Variants in GALNT13 observed in about 807,000 individuals in gnomAD.
GALNT13 encodes polypeptide N-acetylgalactosaminyltransferase 13.
GALNT13 carries 28 observed loss-of-function variants against 64.2 expected under a neutral mutation model. That is an observed-to-expected ratio of 0.44 (90% CI 0.32 to 0.60). GALNT13 has a LOEUF of 0.60. Among genes scored for constraint, GALNT13 ranks in the 20% least tolerant of loss-of-function variants. The probability of loss-of-function intolerance (pLI) is 0.05; values close to 1 mark genes in which losing one functional copy is unlikely to be tolerated. For synonymous variants in GALNT13, 214 were observed against 224.6 expected (o/e 0.95, Z 0.42); for missense variants, 577 against 669.8 (o/e 0.86, Z 1.53).
intron 11 of GALNT13, among the ~76,000 whole-genome samples, chr2:154,423,566 G>A (rs187523463): frequency 5.3e-5 from 8 of 152,110 alleles, no homozygotes; most frequent in Admixed American, 1.3e-4. Context: ...CATCCTCTTC[G>A]AGCTGGACTT....
chr2:153,674,794 C>G, the GALNT13 span, among the ~76,000 whole-genome samples: 1 of 152,108 alleles, frequency 6.6e-6, no homozygotes, highest in African/African-American at 2.4e-5. Flanking sequence ...ATTTTACAAT[C>G]TATCCATCTG....
intron 3 of GALNT13, among the ~76,000 whole-genome samples, chr2:154,097,704 A>T (rs958718398): frequency 6.6e-6 from 1 of 151,982 alleles, no homozygotes; most frequent in Non-Finnish European, 1.5e-5. Flanking sequence ...AAAAAAATAC[A>T]TATTAGGAAT....
At chr2:153,662,581 A>T in the GALNT13 span, among the ~76,000 whole-genome samples, 5 of 152,136 alleles carry the variant, frequency 3.3e-5, no homozygotes, top group Admixed American at 3.3e-4. Flanking sequence ...TATCACACAG[A>T]TTTTCTAAGC....
At chr2:154,445,823 G>A (rs1471635604) in intron 12 of GALNT13, 1 of 1,288,320 alleles carries the variant, frequency 7.8e-7, no homozygotes, top group Non-Finnish European at 1.0e-6. Flanking sequence ...GTCTCCCAAG[G>A]GCAGGCACGG....
intron 3 of GALNT13, among the ~76,000 whole-genome samples, chr2:153,982,934 A>T (rs985675527): frequency 1.3e-5 from 2 of 151,904 alleles, no homozygotes; most frequent in East Asian, 3.9e-4. Flanking sequence ...AGGTGCTGAG[A>T]ATTTTTGTTA....
intron 3 of GALNT13, among the ~76,000 whole-genome samples, chr2:153,981,246 G>A (rs59043749): frequency 2.6e-5 from 4 of 151,616 alleles, no homozygotes; most frequent in South Asian, 2.1e-4. Context: ...AAGTTCTAGG[G>A]TATATATATA....
intron 4 of GALNT13, among the ~76,000 whole-genome samples, chr2:154,211,978 G>A (rs1687798671): frequency 6.6e-6 from 1 of 151,978 alleles, no homozygotes; most frequent in South Asian, 2.1e-4. Context: ...AGAAAGGAGT[G>A]GTAATCTGTG....
intron 4 of GALNT13, among the ~76,000 whole-genome samples, chr2:154,204,375 A>G (rs1211637332): frequency 1.3e-5 from 2 of 152,218 alleles, no homozygotes; most frequent in African/African-American, 2.4e-5. Context: ...GAAGTCCCTT[A>G]TATACTGTAG....
Position 154,239,470 on chromosome 2 carries a change from A to G in GALNT13, c.312-2560A>G, listed in dbSNP as rs529827848. On this transcript the variant is annotated intron_variant, in intron 4 of 12. Coordinates refer to ENST00000392825, the MANE Select transcript of GALNT13 (RefSeq NM_052917.4). ...CTCTTGGCTTTGCATGCTCAAAGTG[A>G]TTAGGTTTTTTTAATGAGGCAGGAG... Among the ~76,000 whole-genome samples the G allele has an allele frequency of 2.0e-5, 3 of 152,040 alleles. No individual in the cohort carries two copies. In the South Asian group the frequency reaches 6.2e-4, roughly 32 times the overall value.
At chr2:154,270,959 G>A (rs1222457062) in intron 8 of GALNT13, among the ~76,000 whole-genome samples, 3 of 151,876 alleles carry the variant, frequency 2.0e-5, no homozygotes, top group African/African-American at 7.2e-5. Context: ...TCTAAATTCA[G>A]TCAAGCTTAA....
chr2:154,314,698 C>A (rs1347558701), intron 9 of GALNT13, among the ~76,000 whole-genome samples: 2 of 152,094 alleles, frequency 1.3e-5, no homozygotes, highest in African/African-American at 4.8e-5. Context: ...CTTTTAACAA[C>A]TAGCTCTCAG....
the GALNT13 span, among the ~76,000 whole-genome samples, chr2:153,721,747 G>C: frequency 1.3e-5 from 2 of 151,894 alleles, no homozygotes; most frequent in African/African-American, 4.9e-5. Flanking sequence ...AATTCAACAA[G>C]AGGAGCTAAC....
At chr2:154,227,361 G>C (rs914210392) in intron 4 of GALNT13, among the ~76,000 whole-genome samples, 1 of 150,944 alleles carries the variant, frequency 6.6e-6, no homozygotes, top group Non-Finnish European at 1.5e-5. Context: ...TTAAGTTTTA[G>C]GGTACATGTG....
the GALNT13 span, among the ~76,000 whole-genome samples, chr2:153,372,517 A>G: frequency 1.3e-5 from 2 of 152,086 alleles, no homozygotes; most frequent in Non-Finnish European, 2.9e-5. Context: ...ATGGTGGTAC[A>G]CACCTGTAGT....
At chr2:154,142,156 A>C (rs1019247520) in intron 4 of GALNT13, among the ~76,000 whole-genome samples, 3 of 152,148 alleles carry the variant, frequency 2.0e-5, no homozygotes, top group Admixed American at 1.3e-4. Context: ...ATGCAAATAA[A>C]ATTTGCCACC....
the GALNT13 span, among the ~76,000 whole-genome samples, chr2:153,356,064 T>A: frequency 6.6e-6 from 1 of 152,154 alleles, no homozygotes; most frequent in Non-Finnish European, 1.5e-5. Flanking sequence ...TAATTCATGT[T>A]TGTTGTGAGA....
chr2:153,940,777 A>G (rs1691287923), intron 2 of GALNT13, among the ~76,000 whole-genome samples: 1 of 152,186 alleles, frequency 6.6e-6, no homozygotes, highest in Admixed American at 6.5e-5. Context: ...CAGCAGCCTT[A>G]CACTAGTTTC....
chr2:153,606,339 CAT>C, the GALNT13 span, among the ~76,000 whole-genome samples: 10 of 152,078 alleles, frequency 6.6e-5, no homozygotes, highest in Non-Finnish European at 1.3e-4. Context: ...CTACTAGAAA[CAT>C]AGACTTCATG....
the GALNT13 span, among the ~76,000 whole-genome samples, chr2:153,735,758 G>A: frequency 6.6e-6 from 1 of 152,240 alleles, no homozygotes; most frequent in Non-Finnish European, 1.5e-5. Context: ...CCTCAACCTG[G>A]TTTGTCTGCT....
Sources: gnomAD v4.1 joint callset for allele counts (sites outside exome capture counted in the v4.1 genomes callset) on GRCh38, gnomAD v4.1.1 for gene constraint, MANE v1.5 for transcripts, NCBI Gene and HGNC (gene_info 2026-07-23, HGNC 2026-07-21) for gene names.